PCDHGA12: variants seen among roughly 807,000 people sequenced by gnomAD.
The protein encoded by PCDHGA12 is protocadherin gamma subfamily A, 12, also known as protocadherin gamma-A12.
PCDHGA12 carries 43 observed loss-of-function variants against 61.1 expected under a neutral mutation model. That is an observed-to-expected ratio of 0.70 (90% confidence interval 0.55 to 0.91). PCDHGA12 has a LOEUF of 0.91. PCDHGA12 is among the 40% of genes least tolerant of loss of function. The pLI is 0.00. For missense variants in PCDHGA12, 1,236 were observed against 1,227.7 expected, an observed-to-expected ratio of 1.01 and a Z score of -0.10; for synonymous variants, 520 against 542.9, an observed-to-expected ratio of 0.96 and a Z score of 0.59.
intron 1 of PCDHGA12, among the ~76,000 whole-genome samples, chr5:141,444,110 A>C (rs1284415694): frequency 6.7e-6 from 1 of 149,880 alleles, no homozygotes; most frequent in Non-Finnish European, 1.5e-5. Flanking sequence ...AACCAAGAAA[A>C]GTGAAGTATC....
intron 1 of PCDHGA12, among the ~76,000 whole-genome samples, chr5:141,436,292 G>T (rs2097808605): frequency 6.6e-6 from 1 of 152,158 alleles, no homozygotes; most frequent in Non-Finnish European, 1.5e-5. Context: ...ACAAATCATT[G>T]AGAGTTAGAG....
Position 141,477,413 on chromosome 5 carries a change from G to A in PCDHGA12, c.2425-17394G>A. ...CCTCAGCATCACCGCCCGAGACGCC[G>A]GAACCCCTTCCCTCTCAGCCCTTAC... On this transcript the variant is annotated intron_variant, in intron 1 of 3. Transcript: ENST00000252085. This position sits in a 1 kb window ranked among gnomAD's most constrained non-coding sequence, Gnocchi z 4.9. 1 of 1,614,080 alleles carries A rather than the reference G, an allele frequency of 6.2e-7. No individual in the cohort carries two copies. Among genetic ancestry groups the A allele is most frequent in the Non-Finnish European group, 8.5e-7 (1 of 1,180,026 alleles).
intron 1 of PCDHGA12, among the ~76,000 whole-genome samples, chr5:141,467,361 G>A (rs555435172): frequency 1.3e-5 from 2 of 151,860 alleles, no homozygotes; most frequent in South Asian, 4.2e-4. Context: ...CCAAATCAAC[G>A]TTTTCTTATA....
In PCDHGA12 at chr5:141,432,961, A is replaced by T. The variant is rs1457416543; in HGVS notation, c.2202A>T (p.Gly734=). The T allele has an allele frequency of 1.5e-5, 25 of 1,613,952 alleles. 1 individual carries two copies. The South Asian group carries it at 2.3e-4, about 15-fold the overall frequency. The part of the protein sequence containing the change: ...LLQASGGGLT[G]APASHFVGVD... ...AGGCTTCAGGAGGCGGCTTGACAGG[A>T]GCGCCGGCGTCGCACTTTGTGGGCG... Residue 734 remains glycine, a synonymous_variant, in exon 1 of 4, where the codon GGA becomes GGT. Coordinates refer to ENST00000252085, the MANE Select transcript of PCDHGA12 (RefSeq NM_003735.3). This position sits in a 1 kb window ranked among gnomAD's most constrained non-coding sequence, Gnocchi z 6.0.
intron 2 of PCDHGA12, among the ~76,000 whole-genome samples, chr5:141,499,209 C>G (rs1171702973): frequency 6.6e-6 from 1 of 152,096 alleles, no homozygotes; most frequent in Admixed American, 6.5e-5. Context: ...GGCTGTAACC[C>G]AGGCCCTGCC....
intron 1 of PCDHGA12, chr5:141,441,144 T>C (rs141609485): frequency 6.6e-6 from 1 of 152,296 alleles, no homozygotes; most frequent in African/African-American, 2.4e-5. Context: ...TAGAAGATAA[T>C]GACAATATCC....
At chr5:141,443,872 A>C (rs1446612063) in intron 1 of PCDHGA12, among the ~76,000 whole-genome samples, 4 of 152,212 alleles carry the variant, frequency 2.6e-5, no homozygotes, top group African/African-American at 9.7e-5. Flanking sequence ...AAAATTACTG[A>C]TAAGTCAAGA....
chr5:141,483,588 A>G (rs2099583207), intron 1 of PCDHGA12, among the ~76,000 whole-genome samples: 1 of 152,112 alleles, frequency 6.6e-6, no homozygotes, highest in African/African-American at 2.4e-5. Flanking sequence ...AACACCTAAT[A>G]GGTCAGGCTG....
At chr5:141,504,991 G>A (rs896449285) in intron 2 of PCDHGA12, among the ~76,000 whole-genome samples, 44 of 152,034 alleles carry the variant, frequency 2.9e-4, no homozygotes, top group Admixed American at 2.6e-3. Context: ...GTGAAACCCC[G>A]TCTGTACTAA....
At chr5:141,448,058 C>G (rs2098560499) in intron 1 of PCDHGA12, among the ~76,000 whole-genome samples, 2 of 151,936 alleles carry the variant, frequency 1.3e-5, no homozygotes, top group Non-Finnish European at 2.9e-5. Flanking sequence ...TGCTCTCCAG[C>G]CTGGGCAACA....
At chr5:141,445,148 C>A (rs1051995635) in intron 1 of PCDHGA12, among the ~76,000 whole-genome samples, 3 of 152,092 alleles carry the variant, frequency 2.0e-5, no homozygotes, top group Non-Finnish European at 4.4e-5. Context: ...TCTAATTGTT[C>A]ATTTCTAGTT....
chr5:141,456,308 T>C (rs2098849199), intron 1 of PCDHGA12, among the ~76,000 whole-genome samples: 1 of 152,156 alleles, frequency 6.6e-6, no homozygotes, highest in Non-Finnish European at 1.5e-5. Context: ...GAACAGCAGC[T>C]AGGGCTCCTC....
rs73280340 is a variant in PCDHGA12, at chr5:141,473,067, G to A, written c.2425-21740G>A. On this transcript the variant is annotated intron_variant, in intron 1 of 3. Transcript: ENST00000252085. ...GAAAGAAGTGATACAACAAGTTACA[G>A]CATCTTTGTTTATTATCCACTGTGA... Among the ~76,000 whole-genome samples the A allele has an allele frequency of 5.6e-3, 854 of 152,054 alleles. 5 individuals are homozygous for A. The highest frequency in any genetic ancestry group is 0.019 in the African/African-American group (798 of 41,456).
intron 1 of PCDHGA12, chr5:141,484,853 G>T (rs747582810): frequency 2.5e-4 from 64 of 251,466 alleles, no homozygotes; most frequent in Non-Finnish European, 4.3e-4. Flanking sequence ...GGGTTTTTTG[G>T]GGGGTGGGGG....
intron 2 of PCDHGA12, among the ~76,000 whole-genome samples, chr5:141,501,526 G>A (rs2099809738): frequency 6.6e-6 from 1 of 151,962 alleles, no homozygotes; most frequent in Non-Finnish European, 1.5e-5. Context: ...CTGAAGCCCA[G>A]TACGTTGTTG....
Position 141,485,966 on chromosome 5 carries a change from A to T in PCDHGA12, c.2425-8841A>T. ...AGCGGGCATGGTGCTCATCCAGCTC[A>T]ATGCCTCAGACCCGGACCTGGGTCC... On this transcript the variant is annotated intron_variant, in intron 1 of 3. Coordinates refer to ENST00000252085, the MANE Select transcript of PCDHGA12 (RefSeq NM_003735.3). The surrounding 1 kb of genome is among the most constrained non-coding windows in gnomAD (Gnocchi z 5.7). 1 of 1,614,168 alleles carries T rather than the reference A, an allele frequency of 6.2e-7. No individual in the cohort carries two copies. Among genetic ancestry groups the T allele is most frequent in the Non-Finnish European group, 8.5e-7 (1 of 1,179,988 alleles).
chr5:141,475,821 G>T, intron 1 of PCDHGA12: 1 of 352,534 alleles, frequency 2.8e-6, no homozygotes, highest in Non-Finnish European at 5.1e-6. Context: ...AGTTCCTGGC[G>T]CTAGCGCGTG....
chr5:141,488,480 C>A (rs935896624), intron 1 of PCDHGA12, among the ~76,000 whole-genome samples: 6 of 152,298 alleles, frequency 3.9e-5, no homozygotes, highest in African/African-American at 1.4e-4. Flanking sequence ...GTTCCCCTAC[C>A]CAAAAACTGT....
Position 141,430,617 on chromosome 5 carries a change from C to G in PCDHGA12, c.-143C>G. 1.4e-6 allele frequency: 1 copy of G among 715,450 alleles called. No homozygotes were observed. Among genetic ancestry groups the G allele is most frequent in the South Asian group, 3.9e-5 (1 of 25,952 alleles). 44.3% of individuals were successfully genotyped at this position (715,450 alleles called of 1,614,324 possible). On this transcript the variant is annotated 5_prime_UTR_variant, in exon 1 of 4. Coordinates refer to ENST00000252085, the MANE Select transcript of PCDHGA12 (RefSeq NM_003735.3). ...CGCGCCTGAAGCACAAAGCAGATAG[C>G]TAGGAATGAACCATCCCTGGGAGTA...
Sources: gnomAD v4.1 joint callset for allele counts (sites outside exome capture counted in the v4.1 genomes callset) on GRCh38, gnomAD v4.1.1 for gene constraint, Gnocchi (gnomAD v3.1) non-coding constraint, MANE v1.5 for transcripts, NCBI Gene and HGNC (gene_info 2026-07-23, HGNC 2026-07-21) for gene names.